Variants in RANBP2 observed in about 807,000 individuals in gnomAD.
RANBP2 encodes the protein E3 SUMO-protein ligase RanBP2.
In RANBP2, 57 loss-of-function variants were observed where a neutral mutation model predicts 303.6. The ratio of observed to expected loss-of-function variants is 0.19; its 90% CI spans 0.15 to 0.23. The LOEUF is 0.23. RANBP2 is among the 10% of genes least tolerant of loss of function. The pLI, the probability that RANBP2 is intolerant of heterozygous loss-of-function variation, is 1.00. For synonymous variants in RANBP2, 1,167 were observed against 1,301.5 expected (o/e 0.90, Z 2.23); for missense variants, 3,138 against 3,780.8 (o/e 0.83, Z 4.46).
chr2:109,772,774 G>A, the RANBP2 span, among the ~76,000 whole-genome samples: 1 of 141,336 alleles, frequency 7.1e-6, no homozygotes, highest in Admixed American at 7.5e-5. Flanking sequence ...GAGAGGCCAT[G>A]TCTGAAGGTC....
chr2:109,176,508 G>T, the RANBP2 span, among the ~76,000 whole-genome samples: 14 of 152,112 alleles, frequency 9.2e-5, no homozygotes, highest in Admixed American at 2.0e-4. Flanking sequence ...AAGGTGGGAG[G>T]ATCACTTCAG....
At chr2:109,303,025 C>T in the RANBP2 span, among the ~76,000 whole-genome samples, 6 of 152,130 alleles carry the variant, frequency 3.9e-5, no homozygotes, top group Admixed American at 2.0e-4. Context: ...TACAGGCATG[C>T]ACCACCATGC....
the RANBP2 span, among the ~76,000 whole-genome samples, chr2:109,392,060 C>T: frequency 6.6e-6 from 1 of 152,172 alleles, no homozygotes; most frequent in East Asian, 1.9e-4. Flanking sequence ...AAGCAGTCAG[C>T]CTGCCTCGGC....
At chr2:109,420,429 TG>T in the RANBP2 span, among the ~76,000 whole-genome samples, 1 of 152,052 alleles carries the variant, frequency 6.6e-6, no homozygotes, top group Non-Finnish European at 1.5e-5. Flanking sequence ...TTTTTGTTGT[TG>T]TTGTTGTTTT....
the RANBP2 span, among the ~76,000 whole-genome samples, chr2:109,297,091 C>T: frequency 7.2e-5 from 11 of 151,844 alleles, no homozygotes; most frequent in South Asian, 2.1e-4. Context: ...GGGGGGTGAC[C>T]GGGATGGGAA....
At chr2:109,528,753 A>G in the RANBP2 span, among the ~76,000 whole-genome samples, 2 of 152,172 alleles carry the variant, frequency 1.3e-5, no homozygotes, top group African/African-American at 4.8e-5. Flanking sequence ...CCCTGCAGTC[A>G]CATCACACGA....
At chr2:109,465,331 A>G in the RANBP2 span, among the ~76,000 whole-genome samples, 2 of 152,218 alleles carry the variant, frequency 1.3e-5, no homozygotes, top group African/African-American at 4.8e-5. Context: ...ATACCAAGAA[A>G]GGAGATTTTA....
At chr2:109,412,114 G>A in the RANBP2 span, among the ~76,000 whole-genome samples, 1 of 152,218 alleles carries the variant, frequency 6.6e-6, no homozygotes. Flanking sequence ...CAGGGCAGTC[G>A]GTGGATGCCG....
At chr2:108,906,474 G>A in the RANBP2 span, 1 of 1,159,100 alleles carries the variant, frequency 8.6e-7, no homozygotes, top group Non-Finnish European at 1.3e-6. Context: ...CCCAACACCA[G>A]AGACGCTGCA....
At chr2:108,770,446 A>G (rs1677418154) in intron 20 of RANBP2, among the ~76,000 whole-genome samples, 1 of 152,256 alleles carries the variant, frequency 6.6e-6, no homozygotes, top group African/African-American at 2.4e-5. Context: ...GAAATAAAAT[A>G]TAACCTGTGT....
At chr2:108,920,436 G>C in the RANBP2 span, among the ~76,000 whole-genome samples, 1 of 152,214 alleles carries the variant, frequency 6.6e-6, no homozygotes, top group Non-Finnish European at 1.5e-5. Context: ...GCAGGATGGT[G>C]CAGGGAAAAC....
chr2:108,806,975 A>C, the RANBP2 span, among the ~76,000 whole-genome samples: 4 of 152,188 alleles, frequency 2.6e-5, no homozygotes, highest in Non-Finnish European at 5.9e-5. Flanking sequence ...GAACTTTCCT[A>C]AACTGAAACC....
the RANBP2 span, among the ~76,000 whole-genome samples, chr2:109,019,494 G>T: frequency 6.6e-6 from 1 of 152,148 alleles, no homozygotes; most frequent in African/African-American, 2.4e-5. Context: ...GATAAGTAGG[G>T]CTGCACCATC....
chr2:109,750,647 G>A, the RANBP2 span, among the ~76,000 whole-genome samples: 1 of 79,280 alleles, frequency 1.3e-5, no homozygotes, highest in Admixed American at 1.5e-4. Context: ...CAAGGACTTC[G>A]CATGGTAGCT....
At chr2:108,988,691 C>T in the RANBP2 span, among the ~76,000 whole-genome samples, 1 of 152,292 alleles carries the variant, frequency 6.6e-6, no homozygotes, top group African/African-American at 2.4e-5. Flanking sequence ...ATCTTAAAGC[C>T]TGTGAAGCAC....
the RANBP2 span, among the ~76,000 whole-genome samples, chr2:109,489,076 G>A: frequency 6.6e-6 from 1 of 152,232 alleles, no homozygotes; most frequent in Non-Finnish European, 1.5e-5. Context: ...AGTGGGGAGC[G>A]AAGGCCGAGA....
At chr2:109,514,021 T>G in the RANBP2 span, among the ~76,000 whole-genome samples, 14 of 152,182 alleles carry the variant, frequency 9.2e-5, no homozygotes, top group African/African-American at 3.4e-4. Flanking sequence ...ATGTCAGAGT[T>G]CTCCTCACCA....
At chr2:109,536,298 A>T in the RANBP2 span, among the ~76,000 whole-genome samples, 1 of 152,224 alleles carries the variant, frequency 6.6e-6, no homozygotes, top group African/African-American at 2.4e-5. Flanking sequence ...CAAAGCCACA[A>T]GGGCAGAGCT....
chr2:109,676,867 T>C, the RANBP2 span, among the ~76,000 whole-genome samples: 1 of 152,152 alleles, frequency 6.6e-6, no homozygotes, highest in Non-Finnish European at 1.5e-5. Flanking sequence ...TGTCTATCCA[T>C]CTAGCCATCA....
Sources: allele counts gnomAD v4.1 joint callset (sites outside exome capture counted in the v4.1 genomes callset), GRCh38; gene constraint gnomAD v4.1.1; transcripts MANE v1.5; gene names NCBI Gene and HGNC (gene_info 2026-07-23, HGNC 2026-07-21).